Variants in ADAMTS2 observed in about 807,000 individuals in gnomAD.
The protein encoded by ADAMTS2 is ADAM metallopeptidase with thrombospondin type 1 motif 2.
A neutral mutation model predicts 123.0 loss-of-function variants in ADAMTS2; 50 were observed. That is an observed-to-expected ratio of 0.41 (90% CI 0.32 to 0.51). The LOEUF (loss-of-function observed/expected upper bound fraction) is 0.51. Ranked by LOEUF, ADAMTS2 falls within the 20% of genes least tolerant of loss-of-function variation. ADAMTS2 has a pLI of 0.35. For missense variants in ADAMTS2, 1,494 were observed against 1,705.2 expected (o/e 0.88, Z 2.18); for synonymous variants, 678 against 695.4 (o/e 0.98, Z 0.39).
rs1765473193 is a variant in ADAMTS2 at position 179,234,072 on chromosome 5, C to G, written c.689-26357G>C. On this transcript the variant is annotated intron_variant, in intron 3 of 21. Transcript: ENST00000251582. The surrounding 1 kb of genome is among the most constrained non-coding windows in gnomAD (Gnocchi z 4.7). The stretch of plus-strand genomic sequence containing the variant: ...TGCCAGGCCCTTCCACAGCCCGACT[C>G]CCCGTGGACTCTGCAGGTTTCCTAA... Among the ~76,000 whole-genome samples the G allele has an allele frequency of 6.6e-6, 1 of 152,198 alleles. No individual in the cohort carries two copies.
chr5:179,270,376 G>T (rs753051472), intron 3 of ADAMTS2, among the ~76,000 whole-genome samples: 4 of 152,170 alleles, frequency 2.6e-5, no homozygotes, highest in African/African-American at 4.8e-5. Flanking sequence ...TAAATAGCAG[G>T]GTGCTTCACA....
intron 4 of ADAMTS2, among the ~76,000 whole-genome samples, chr5:179,184,560 C>G (rs999399252): frequency 6.6e-6 from 1 of 151,214 alleles, no homozygotes; most frequent in African/African-American, 2.4e-5. Context: ...TTTTTCCCCA[C>G]GTTTGAGCCT....
rs1484499570 is a variant in ADAMTS2, at chr5:179,114,150, A to C, written c.3353T>G (p.Val1118Gly). Residue 1118 changes from valine (V) to glycine (G), a missense_variant, in exon 22 of 22, where the codon GTG (valine) becomes GGG (glycine). Physicochemically the swap from Val to Gly is moderately radical, Grantham distance 109. Coordinates refer to ENST00000251582, the MANE Select transcript of ADAMTS2 (RefSeq NM_014244.5). Reference protein sequence around the residue: ...PPPGKHNDIDVFMPTLPVPTV... With the variant: ...PPPGKHNDIDGFMPTLPVPTV... ...GGGCACTGGGAGGGTAGGCATGAAC[A>C]CGTCAATGTCGTTGTGCTTCCCAGG... is the stretch of plus-strand genomic sequence containing the variant. 6.2e-7 allele frequency: 1 copy of C among 1,613,148 alleles called. No homozygotes were observed. The highest frequency in any genetic ancestry group is 1.7e-5 in the Admixed American group (1 of 59,994).
At chr5:179,290,139 C>T (rs1020082832) in intron 2 of ADAMTS2, among the ~76,000 whole-genome samples, 9 of 152,138 alleles carry the variant, frequency 5.9e-5, no homozygotes, top group African/African-American at 2.2e-4. Flanking sequence ...GAAGGTGGGG[C>T]CTGGGGTGAG....
chr5:179,134,198 G>T (rs566172446), intron 13 of ADAMTS2, among the ~76,000 whole-genome samples: 2 of 152,102 alleles, frequency 1.3e-5, no homozygotes, highest in African/African-American at 2.4e-5. Flanking sequence ...TTTTCAAAAC[G>T]TCCTATGTCT....
chr5:179,247,447 G>A (rs1328152379), intron 3 of ADAMTS2, among the ~76,000 whole-genome samples: 1 of 151,992 alleles, frequency 6.6e-6, no homozygotes, highest in African/African-American at 2.4e-5. Context: ...AAACAAAGGG[G>A]CATAAAGAAT....
intron 5 of ADAMTS2, among the ~76,000 whole-genome samples, chr5:179,176,899 A>C (rs1402411016): frequency 6.7e-6 from 1 of 149,224 alleles, no homozygotes. Context: ...CTCCCCTCCC[A>C]GCCTATGAAC....
rs1393809867 is a variant in ADAMTS2, at chr5:179,256,229, G to T, written c.688+16682C>A. The stretch of plus-strand genomic sequence containing the variant: ...AGCTCAGCCCACAGAACAGTAAGCC[G>T]CCAGGTCCCAAGTTGTCATCTTGTG... On this transcript the variant is annotated intron_variant, in intron 3 of 21. Transcript: ENST00000251582. The surrounding 1 kb of genome is among the most constrained non-coding windows in gnomAD (Gnocchi z 4.1). Among the ~76,000 whole-genome samples the T allele has an allele frequency of 5.9e-5, 9 of 152,178 alleles. No individual in the cohort carries two copies. The East Asian group carries it at 1.7e-3, about 29-fold the overall frequency.
Position 179,256,413 on chromosome 5 carries a change from G to A in ADAMTS2, c.688+16498C>T, listed in dbSNP as rs917377501. Among the ~76,000 whole-genome samples, 1 of 152,308 alleles carries A rather than the reference G, an allele frequency of 6.6e-6. No homozygotes were observed. The highest frequency in any genetic ancestry group is 1.5e-5 in the Non-Finnish European group (1 of 68,026). On this transcript the variant is annotated intron_variant, in intron 3 of 21. Coordinates refer to ENST00000251582, the MANE Select transcript of ADAMTS2 (RefSeq NM_014244.5). This position sits in a 1 kb window ranked among gnomAD's most constrained non-coding sequence, Gnocchi z 4.1. ...AGACAGGACAGACCCTGGGCTCCTGGTGCCCAGCTCAGGGAAGCTCCTGGG... is the reference window on the plus strand; with the variant it reads ...AGACAGGACAGACCCTGGGCTCCTGATGCCCAGCTCAGGGAAGCTCCTGGG...
At chr5:179,323,563 A>G (rs1464819535) in intron 2 of ADAMTS2, among the ~76,000 whole-genome samples, 1 of 152,222 alleles carries the variant, frequency 6.6e-6, no homozygotes, top group Admixed American at 6.5e-5. Flanking sequence ...TGGGCTCCAT[A>G]AACTGGGAAA....
chr5:179,304,165 T>C (rs978435067), intron 2 of ADAMTS2, among the ~76,000 whole-genome samples: 4 of 152,258 alleles, frequency 2.6e-5, no homozygotes, highest in African/African-American at 7.2e-5. Context: ...CACAGGCACA[T>C]TGGAACTTGC....
chr5:179,126,282 G>T, intron 17 of ADAMTS2, 152 bp from the exon 18 acceptor site: 1 of 1,147,500 alleles, frequency 8.7e-7, no homozygotes, highest in Non-Finnish European at 1.3e-6. Flanking sequence ...GCCTGCGGCT[G>T]GCTGGGGGGA....
chr5:179,265,218 C>T (rs996082475), intron 3 of ADAMTS2, among the ~76,000 whole-genome samples: 5 of 152,226 alleles, frequency 3.3e-5, no homozygotes, highest in Admixed American at 6.5e-5. Flanking sequence ...CACCATCCTC[C>T]GGGTCAGGCT....
intron 5 of ADAMTS2, among the ~76,000 whole-genome samples, chr5:179,163,270 C>T (rs1449741102): frequency 6.6e-6 from 1 of 152,136 alleles, no homozygotes; most frequent in East Asian, 1.9e-4. Flanking sequence ...TGTGTTTTCC[C>T]AGTTTTGAAG....
chr5:179,341,729 A>AG (rs1554099714), intron 2 of ADAMTS2, among the ~76,000 whole-genome samples: 12 of 144,056 alleles, frequency 8.3e-5, no homozygotes, highest in East Asian at 2.0e-4. Context: ...AAAAAAAAAA[A>AG]AAAGAAAACA....
At chr5:179,273,264 C>T (rs934672794) in intron 2 of ADAMTS2, among the ~76,000 whole-genome samples, 200 bp from the exon 3 acceptor site, 1 of 152,034 alleles carries the variant, frequency 6.6e-6, no homozygotes, top group Admixed American at 6.5e-5. Flanking sequence ...CCCACCCTGT[C>T]TAGGAAAGGG....
intron 4 of ADAMTS2, 38 bp downstream of exon 4, chr5:179,207,475 T>TCCCCCCCCCA: frequency 5.1e-6 from 3 of 588,610 alleles, no homozygotes; most frequent in East Asian, 7.5e-5. Flanking sequence ...TGGTTGACCC[T>TCCCCCCCCCA]CCCCGCCCCA....
At chr5:179,263,900 G>A (rs1766295789) in intron 3 of ADAMTS2, among the ~76,000 whole-genome samples, 1 of 152,208 alleles carries the variant, frequency 6.6e-6, no homozygotes, top group African/African-American at 2.4e-5. Flanking sequence ...AGAGAAACGG[G>A]TCAAAGAAAA....
intron 2 of ADAMTS2, among the ~76,000 whole-genome samples, chr5:179,276,756 G>A (rs1766707472): frequency 6.6e-6 from 1 of 152,200 alleles, no homozygotes; most frequent in Non-Finnish European, 1.5e-5. Flanking sequence ...GGCCGATTGA[G>A]CCAATTAGGG....
Sources: allele counts gnomAD v4.1 joint callset (sites outside exome capture counted in the v4.1 genomes callset), GRCh38; gene constraint gnomAD v4.1.1; non-coding constraint Gnocchi (gnomAD v3.1); transcripts MANE v1.5; gene names NCBI Gene and HGNC (gene_info 2026-07-23, HGNC 2026-07-21).